SRPK2: variants seen among roughly 807,000 people sequenced by gnomAD.
The protein encoded by SRPK2 is SRSF protein kinase 2, also known as SFRS protein kinase 2.
SRPK2 carries 21 observed loss-of-function variants against 90.8 expected under a neutral mutation model. That is an observed-to-expected ratio of 0.23 (90% CI 0.16 to 0.33). The LOEUF (loss-of-function observed/expected upper bound fraction) is 0.33, where lower values mean the gene tolerates loss of function less well. Among genes scored for constraint, SRPK2 ranks in the 10% least tolerant of loss-of-function variants. The probability of loss-of-function intolerance (pLI) is 1.00; values close to 1 mark genes in which losing one functional copy is unlikely to be tolerated. For missense variants in SRPK2, 620 were observed against 869.0 expected (o/e 0.71, Z 3.60); for synonymous variants, 288 against 311.1 (o/e 0.93, Z 0.78).
intron 2 of SRPK2, among the ~76,000 whole-genome samples, chr7:105,304,835 G>T (rs541699705): frequency 2.6e-5 from 4 of 152,184 alleles, no homozygotes; most frequent in Non-Finnish European, 5.9e-5. Context: ...TACAATCACT[G>T]ATTGATACAT....
intron 2 of SRPK2, among the ~76,000 whole-genome samples, chr7:105,228,725 C>G (rs1799038401): frequency 6.6e-6 from 1 of 152,198 alleles, no homozygotes; most frequent in Admixed American, 6.5e-5. Flanking sequence ...CTGCAGACAG[C>G]AGAACTAAGA....
At chr7:105,295,880 T>G (rs1021812402) in intron 2 of SRPK2, among the ~76,000 whole-genome samples, 1 of 152,150 alleles carries the variant, frequency 6.6e-6, no homozygotes, top group Non-Finnish European at 1.5e-5. Context: ...ATACTGAGGA[T>G]TAAGAATGGC....
At chr7:105,159,381 G>T (rs1359329767) in intron 7 of SRPK2, among the ~76,000 whole-genome samples, 1 of 136,444 alleles carries the variant, frequency 7.3e-6, no homozygotes, top group African/African-American at 2.7e-5. Context: ...AGCTGCTCAG[G>T]AGGCTGCAAT....
At chr7:105,252,529 T>C (rs933984443) in intron 2 of SRPK2, among the ~76,000 whole-genome samples, 1 of 152,208 alleles carries the variant, frequency 6.6e-6, no homozygotes, top group Admixed American at 6.5e-5. Flanking sequence ...CCTTCAATCA[T>C]ATTAGCCACA....
intron 9 of SRPK2, among the ~76,000 whole-genome samples, chr7:105,145,054 C>T (rs971299978): frequency 1.3e-5 from 2 of 149,298 alleles, no homozygotes; most frequent in Admixed American, 6.7e-5. Context: ...TGCAGTGAGC[C>T]GAGATCGCAC....
intron 2 of SRPK2, among the ~76,000 whole-genome samples, chr7:105,256,305 T>C (rs760779271): frequency 6.6e-6 from 1 of 152,124 alleles, no homozygotes; most frequent in Non-Finnish European, 1.5e-5. Context: ...TAAGGCTGTT[T>C]TGAGTTACTG....
Position 105,127,007 on chromosome 7 carries a change from T to A in SRPK2, c.1808A>T (p.Tyr603Phe), listed in dbSNP as rs748459303. The change falls in exon 14 of 16, where the codon TAT becomes TTT. Residue 603 changes from tyrosine to phenylalanine, a missense_variant. Coordinates refer to ENST00000393651, the MANE Select transcript of SRPK2 (RefSeq NM_182692.3). ...CCAATACTCACCTTCGTCTCTGGAA[T>A]AGTCTTCCCCAGAATGTGGTTCAAA... ...YLFEPHSGED[Y>F]SRDEDHIAHI... is the part of the protein sequence containing the mutation. 1 of 1,614,214 alleles carries A rather than the reference T, an allele frequency of 6.2e-7. No individual in the cohort carries two copies.
intron 3 of SRPK2, among the ~76,000 whole-genome samples, chr7:105,175,211 A>C (rs946819195): frequency 6.6e-6 from 1 of 152,156 alleles, no homozygotes; most frequent in Non-Finnish European, 1.5e-5. Context: ...AACAGAATTA[A>C]ATTACAAACC....
chr7:105,146,549 G>A lies in SRPK2; in HGVS notation c.731C>T (p.Ala244Val). The part of the protein sequence containing the change: ...CVDDAYVRRM[A>V]AEATEWQKAG... The stretch of plus-strand genomic sequence containing the variant: ...TTTCTGCCACTCAGTGGCCTCAGCT[G>A]CCATTCTTCTCACATATGCATCATC... Residue 244 changes from alanine (A) to valine (V), a missense_variant, in exon 8 of 16, where the codon GCA becomes GTA. Transcript: ENST00000393651. 6.2e-7 allele frequency: 1 copy of A among 1,614,146 alleles called. No individual in the cohort carries two copies. Among genetic ancestry groups the A allele is most frequent in the Non-Finnish European group, 8.5e-7 (1 of 1,180,016 alleles).
chr7:105,276,721 G>C (rs193160557), intron 2 of SRPK2, among the ~76,000 whole-genome samples: 1 of 152,292 alleles, frequency 6.6e-6, no homozygotes, highest in Admixed American at 6.5e-5. Context: ...CTGGGCAACA[G>C]AGCAAGAATC....
At chr7:105,265,210 T>G (rs1804876415) in intron 2 of SRPK2, among the ~76,000 whole-genome samples, 1 of 151,996 alleles carries the variant, frequency 6.6e-6, no homozygotes. Context: ...ATCCACAGAT[T>G]TGACCCACTA....
At chr7:105,248,531 G>C (rs1283676074) in intron 2 of SRPK2, among the ~76,000 whole-genome samples, 2 of 151,812 alleles carry the variant, frequency 1.3e-5, no homozygotes, top group South Asian at 2.1e-4. Flanking sequence ...TTGAGCTCCA[G>C]GGTTGAGGCT....
intron 2 of SRPK2, among the ~76,000 whole-genome samples, chr7:105,338,301 T>G (rs934838999): frequency 5.3e-5 from 8 of 152,216 alleles, no homozygotes; most frequent in African/African-American, 1.9e-4. Flanking sequence ...AGTAGCATGA[T>G]CTCCGCTCAC....
chr7:105,139,985 G>A (rs1485298209), intron 11 of SRPK2, among the ~76,000 whole-genome samples: 3 of 151,834 alleles, frequency 2.0e-5, no homozygotes, highest in African/African-American at 7.3e-5. Context: ...GATATAAAAC[G>A]GTGTAGTGTT....
intron 2 of SRPK2, among the ~76,000 whole-genome samples, chr7:105,316,725 C>G (rs769061653): frequency 7.2e-5 from 11 of 152,204 alleles, no homozygotes; most frequent in Non-Finnish European, 1.2e-4. Context: ...GTTACTCTGA[C>G]CTTTGGATTA....
At chr7:105,142,559 T>G in intron 10 of SRPK2, 69 bp from the exon 11 acceptor site, 3 of 1,512,866 alleles carry the variant, frequency 2.0e-6, no homozygotes, top group Non-Finnish European at 2.6e-6. Flanking sequence ...TAAGTACTTA[T>G]CTCCATCAAT....
intron 11 of SRPK2, among the ~76,000 whole-genome samples, chr7:105,135,611 T>A (rs1202013285): frequency 2.0e-5 from 3 of 152,214 alleles, no homozygotes; most frequent in Non-Finnish European, 4.4e-5. Flanking sequence ...AGTTGGCTGT[T>A]ATCTGAGGGC....
chr7:105,398,352 G>C (rs572261892), intron 1 of SRPK2, among the ~76,000 whole-genome samples: 1 of 151,816 alleles, frequency 6.6e-6, no homozygotes, highest in Non-Finnish European at 1.5e-5. Flanking sequence ...ACCCGTCTTG[G>C]GGCCTTTAAT....
chr7:105,274,476 C>T (rs1806224860), intron 2 of SRPK2, among the ~76,000 whole-genome samples: 1 of 151,916 alleles, frequency 6.6e-6, no homozygotes. Flanking sequence ...GCAGGAGAAT[C>T]GCTTCAACCC....
Sources: allele counts gnomAD v4.1 joint callset (sites outside exome capture counted in the v4.1 genomes callset), GRCh38; gene constraint gnomAD v4.1.1; transcripts MANE v1.5; gene names NCBI Gene and HGNC (gene_info 2026-07-23, HGNC 2026-07-21).